The following IGF1R variants were observed in gnomAD, a reference collection of about 807,000 sequenced individuals.
IGF1R encodes the protein insulin like growth factor 1 receptor, also known as insulin-like growth factor 1 receptor.
Under a neutral mutation model 144.6 loss-of-function variants are expected in IGF1R, and 44 were observed. The observed-to-expected ratio is 0.30, with a 90% CI of 0.24 to 0.39. The LOEUF (loss-of-function observed/expected upper bound fraction) is 0.39, where lower values mean the gene tolerates loss of function less well. Among genes scored for constraint, IGF1R ranks in the 10% least tolerant of loss-of-function variants. The probability of loss-of-function intolerance (pLI) is 1.00; values close to 1 mark genes in which losing one functional copy is unlikely to be tolerated. For synonymous variants in IGF1R, 795 were observed against 722.8 expected (o/e 1.10, Z -1.60); for missense variants, 1,355 against 1,833.7 (o/e 0.74, Z 4.77).
chr15:98,683,943 G>A (rs756339111), intron 1 of IGF1R, among the ~76,000 whole-genome samples: 2 of 152,126 alleles, frequency 1.3e-5, no homozygotes, highest in African/African-American at 2.4e-5. Context: ...ATCACCTGGC[G>A]GGCGTAGATC....
intron 2 of IGF1R, among the ~76,000 whole-genome samples, chr15:98,745,462 G>A (rs1426300441): frequency 6.6e-6 from 1 of 152,218 alleles, no homozygotes; most frequent in Non-Finnish European, 1.5e-5. Flanking sequence ...AAGTGGCAGA[G>A]CCCTGTCTCC....
At chr15:98,899,181 G>A (rs921611665) in intron 4 of IGF1R, among the ~76,000 whole-genome samples, 3 of 152,202 alleles carry the variant, frequency 2.0e-5, no homozygotes, top group African/African-American at 7.2e-5. Context: ...GTCAGCCTTA[G>A]CTAATTGGCA....
chr15:98,650,579 A>G (rs987338828), intron 1 of IGF1R, among the ~76,000 whole-genome samples: 1 of 152,132 alleles, frequency 6.6e-6, no homozygotes, highest in Non-Finnish European at 1.5e-5. Context: ...GTCGGAGCCG[A>G]CGTGCATTCC....
chr15:98,891,536 C>T lies in IGF1R; in HGVS notation c.852C>T (p.Asn284=), dbSNP rs1461077909. 1.9e-6 allele frequency: 3 copies of T among 1,612,686 alleles called. No homozygotes were observed. Among genetic ancestry groups the T allele is most frequent in the East Asian group, 2.2e-5 (1 of 44,880 alleles). ...GTGTGGACCGTGACTTCTGCGCCAA[C>T]ATCCTCAGCGCCGAGAGCAGCGACT... The part of the protein sequence containing the change: ...WRCVDRDFCA[N]ILSAESSDSE... Residue 284 remains asparagine, a synonymous_variant, in exon 3 of 21, where the codon AAC becomes AAT. Transcript: ENST00000650285. This position sits in a 1 kb window ranked among gnomAD's most constrained non-coding sequence, Gnocchi z 4.7.
intron 11 of IGF1R, 46 bp from the exon 12 acceptor site, chr15:98,923,830 C>G: frequency 6.3e-7 from 1 of 1,581,576 alleles, no homozygotes; most frequent in Non-Finnish European, 8.7e-7. Context: ...TGGCCTCCCT[C>G]CCTGGGAACC....
chr15:98,744,455 G>T lies in IGF1R; in HGVS notation c.640+36348G>T, dbSNP rs184020786. Among the ~76,000 whole-genome samples, 5 of 152,274 alleles carry T rather than the reference G, an allele frequency of 3.3e-5. No individual in the cohort carries two copies. In the East Asian group the frequency reaches 9.7e-4, roughly 29 times the overall value. On this transcript the variant is annotated intron_variant, in intron 2 of 20. Coordinates refer to ENST00000650285, the MANE Select transcript of IGF1R (RefSeq NM_000875.5). ...GCAGCTCTGGAGAGGGAGGAATACT[G>T]TGGGGAGGGGAGGAACTGAAGAAGT...
intron 2 of IGF1R, among the ~76,000 whole-genome samples, chr15:98,848,151 G>A (rs965559608): frequency 6.6e-6 from 1 of 152,194 alleles, no homozygotes; most frequent in Admixed American, 6.5e-5. Context: ...GAGTATCCCT[G>A]TGGTCCAGTA....
At chr15:98,736,426 GCTTT>G (rs1158520415) in intron 2 of IGF1R, among the ~76,000 whole-genome samples, 1 of 152,080 alleles carries the variant, frequency 6.6e-6, no homozygotes, top group Non-Finnish European at 1.5e-5. Context: ...CATGGATAAG[GCTTT>G]CTTCTCTTTC....
At chr15:98,896,388 C>A (rs2014198522) in intron 3 of IGF1R, among the ~76,000 whole-genome samples, 1 of 152,188 alleles carries the variant, frequency 6.6e-6, no homozygotes, top group African/African-American at 2.4e-5. Flanking sequence ...CAGAAAGCAG[C>A]TCTGTTTTCC....
At chr15:98,761,497 A>C (rs537581370) in intron 2 of IGF1R, among the ~76,000 whole-genome samples, 221 of 152,276 alleles carry the variant, frequency 1.5e-3, no homozygotes, top group Non-Finnish European at 2.6e-3. Context: ...AACCTTCCGT[A>C]ATTTGCCTCC....
At position 98,760,190 on chromosome 15, in the gene IGF1R, A is replaced by AT. The variant is rs201719236; in HGVS notation, c.640+52083_640+52084insT. ...CTCCTGTCTCTACTTAAAAAAAAAA[A>AT]AAATGCAAAAACTAGCTGGGCATGG... On this transcript the variant is annotated intron_variant, in intron 2 of 20. Transcript: ENST00000650285. Among the ~76,000 whole-genome samples the AT allele has an allele frequency of 5.8e-3, 887 of 151,900 alleles. 10 individuals are homozygous for AT. The highest frequency in any genetic ancestry group is 0.021 in the African/African-American group (854 of 41,368).
intron 10 of IGF1R, 134 bp downstream of exon 10, chr15:98,917,010 A>G (rs1411066522): frequency 7.7e-6 from 6 of 778,308 alleles, no homozygotes; most frequent in African/African-American, 1.7e-5. Context: ...ACGGAGCCGA[A>G]AAAGATGACA....
At chr15:98,724,960 C>A (rs888816865) in intron 2 of IGF1R, among the ~76,000 whole-genome samples, 1 of 152,226 alleles carries the variant, frequency 6.6e-6, no homozygotes, top group African/African-American at 2.4e-5. Context: ...GTGTAATTCT[C>A]TGGAAGAATC....
At chr15:98,917,830 G>A (rs1453378543) in intron 10 of IGF1R, among the ~76,000 whole-genome samples, 4 of 152,190 alleles carry the variant, frequency 2.6e-5, no homozygotes, top group Non-Finnish European at 5.9e-5. Flanking sequence ...AGGGGATGGG[G>A]ATAGAGTGTG....
At chr15:98,862,055 C>CT (rs34992488) in intron 2 of IGF1R, among the ~76,000 whole-genome samples, 30,662 of 152,212 alleles carry the variant, frequency 0.2, 3,928 homozygotes, top group East Asian at 0.43. Flanking sequence ...CTGACAAACT[C>CT]TTTTTATTGC....
chr15:98,877,513 T>TTTTCCC (rs773470156), intron 2 of IGF1R, among the ~76,000 whole-genome samples: 32 of 111,434 alleles, frequency 2.9e-4, no homozygotes, highest in South Asian at 5.6e-4. Flanking sequence ...TTTTTTTTTT[T>TTTTCCC]CCCCAAAAAA....
chr15:98,959,569 A>T lies in IGF1R; in HGVS notation c.*2127A>T, dbSNP rs1021007820. On this transcript the variant is annotated 3_prime_UTR_variant, in exon 21 of 21. Coordinates refer to ENST00000650285, the MANE Select transcript of IGF1R (RefSeq NM_000875.5). ...GAGCCCCTTTGCTTCTTGCTGGGGG[A>T]CCAGGGCTGTGGTGCTGGCCCACTT... 4.3e-6 allele frequency: 1 copy of T among 233,464 alleles called. No individual in the cohort carries two copies. The highest frequency in any genetic ancestry group is 2.2e-5 in the African/African-American group (1 of 45,342). The allele number at this position is 233,464 out of a possible 1,614,324, so 14.5% of individuals were successfully genotyped here.
chr15:98,739,259 G>A (rs558768706), intron 2 of IGF1R, among the ~76,000 whole-genome samples: 177 of 152,288 alleles, frequency 1.2e-3, no homozygotes, highest in African/African-American at 4.1e-3. Flanking sequence ...AACAGCCTCT[G>A]TGCCTCTTTC....
chr15:98,843,343 C>T (rs928378141), intron 2 of IGF1R, among the ~76,000 whole-genome samples: 12 of 152,048 alleles, frequency 7.9e-5, no homozygotes, highest in Non-Finnish European at 1.0e-4. Flanking sequence ...TAACTCTAAA[C>T]GGATTAGAGC....
Sources: allele counts gnomAD v4.1 joint callset (sites outside exome capture counted in the v4.1 genomes callset), GRCh38; gene constraint gnomAD v4.1.1; non-coding constraint Gnocchi (gnomAD v3.1); transcripts MANE v1.5; gene names NCBI Gene and HGNC (gene_info 2026-07-23, HGNC 2026-07-21).